The following AKR1C3 variants were observed in gnomAD, a reference collection of about 807,000 sequenced individuals.
AKR1C3 encodes 3-alpha hydroxysteroid dehydrogenase, type II.
Under a neutral mutation model 43.6 loss-of-function variants are expected in AKR1C3, and 48 were observed. The ratio of observed to expected loss-of-function variants is 1.10; its 90% CI spans 0.87 to 1.40. The LOEUF is 1.40. Ranked by LOEUF, AKR1C3 falls within the 40% of genes most tolerant of loss-of-function variation. The pLI is 0.00. For missense variants in AKR1C3, 482 were observed against 391.2 expected (o/e 1.23, Z -1.96); for synonymous variants, 162 against 139.6 (o/e 1.16, Z -1.13).
upstream of AKR1C3, among the ~76,000 whole-genome samples, chr10:5,092,126 A>G (rs1839104898): frequency 6.6e-6 from 1 of 152,070 alleles, no homozygotes; most frequent in African/African-American, 2.4e-5. Flanking sequence ...CATCCTTCAA[A>G]TTGTCTAATC....
At chr10:5,090,724 A>G (rs72774008), upstream of AKR1C3, among the ~76,000 whole-genome samples, 9,478 of 152,154 alleles carry the variant, frequency 0.062, 346 homozygotes, top group Middle Eastern at 0.085. Flanking sequence ...CAGCATTGTT[A>G]TACTGTGTTG....
chr10:5,075,874 C>CAA (rs201037479), intron 1 of AKR1C3, among the ~76,000 whole-genome samples: 2 of 127,946 alleles, frequency 1.6e-5, no homozygotes, highest in East Asian at 4.4e-4. Flanking sequence ...AACTCCATCT[C>CAA]AAAAAAAAAA....
chr10:5,058,063 C>T (rs1469242598), intron 1 of AKR1C3, among the ~76,000 whole-genome samples: 1 of 152,136 alleles, frequency 6.6e-6, no homozygotes, highest in East Asian at 1.9e-4. Context: ...TTGAAGGGGA[C>T]ATAACCAATA....
intron 7 of AKR1C3, among the ~76,000 whole-genome samples, chr10:5,104,340 C>T (rs1185498426): frequency 6.6e-6 from 1 of 152,002 alleles, no homozygotes; most frequent in Non-Finnish European, 1.5e-5. Flanking sequence ...CAAAAGGTGC[C>T]ACCAACAATT....
At chr10:5,054,419 C>T (rs1268779834) in intron 1 of AKR1C3, among the ~76,000 whole-genome samples, 1 of 152,076 alleles carries the variant, frequency 6.6e-6, no homozygotes, top group Non-Finnish European at 1.5e-5. Context: ...TTGAGGGGTA[C>T]TGATAAGGTC....
At chr10:5,084,504 G>C (rs1838917691) in intron 1 of AKR1C3, among the ~76,000 whole-genome samples, 1 of 152,036 alleles carries the variant, frequency 6.6e-6, no homozygotes, top group South Asian at 2.1e-4. Context: ...TTGAAGTCAG[G>C]TAGCATGATG....
intron 7 of AKR1C3, among the ~76,000 whole-genome samples, chr10:5,104,564 G>C (rs1010544090): frequency 3.3e-5 from 5 of 151,716 alleles, no homozygotes; most frequent in African/African-American, 1.2e-4. Flanking sequence ...GATTATTCTT[G>C]ACTGACTATT....
At chr10:5,080,158 G>A (rs782467798) in intron 1 of AKR1C3, among the ~76,000 whole-genome samples, 5 of 123,184 alleles carry the variant, frequency 4.1e-5, no homozygotes, top group Non-Finnish European at 6.7e-5. Context: ...CGGTAAGAGC[G>A]TCTGGTTAAG....
intron 1 of AKR1C3, among the ~76,000 whole-genome samples, chr10:5,062,422 G>GAA (rs1434788492): frequency 9.2e-5 from 14 of 152,238 alleles, no homozygotes; most frequent in Middle Eastern, 3.4e-3. Flanking sequence ...CCTCTAGGTT[G>GAA]AGAAACACTC....
chr10:5,060,208 A>G (rs1396339533), intron 1 of AKR1C3, among the ~76,000 whole-genome samples: 2 of 152,182 alleles, frequency 1.3e-5, no homozygotes, highest in Non-Finnish European at 1.5e-5. Flanking sequence ...TGCAAAGAGC[A>G]AAAGAACAAA....
At position 5,099,426 on chromosome 10, in the gene AKR1C3, A is replaced by G; in HGVS notation, c.547A>G (p.Lys183Glu). ...LEMILNKPGLKYKPVCNQVEC... is the reference protein window; with the variant it reads ...LEMILNKPGLEYKPVCNQVEC... ...GATGATCCTCAACAAGCCAGGACTCAAGTACAAGCCTGTCTGCAACCAGGT... is the reference window on the plus strand; with the variant it reads ...GATGATCCTCAACAAGCCAGGACTCGAGTACAAGCCTGTCTGCAACCAGGT... Residue 183 changes from lysine (K) to glutamate (E), a missense_variant, in exon 5 of 9, where the codon AAG (lysine) becomes GAG (glutamate). Transcript: ENST00000380554. 1.2e-6 allele frequency: 2 copies of G among 1,614,180 alleles called. No individual in the cohort carries two copies. The highest frequency in any genetic ancestry group is 1.7e-6 in the Non-Finnish European group (2 of 1,180,020).
chr10:5,100,098 G>C (rs1297906536), intron 5 of AKR1C3, among the ~76,000 whole-genome samples: 3 of 152,228 alleles, frequency 2.0e-5, no homozygotes, highest in Non-Finnish European at 4.4e-5. Context: ...TTTGAGACCA[G>C]CCTGACCAAC....
intron 3 of AKR1C3, chr10:5,098,157 G>A (rs1554785452): frequency 2.0e-6 from 2 of 985,902 alleles, no homozygotes; most frequent in African/African-American, 1.7e-5. Flanking sequence ...AGTTTACTGA[G>A]TTATGTAAAA....
intron 1 of AKR1C3, among the ~76,000 whole-genome samples, chr10:5,073,575 C>T (rs768281116): frequency 1.4e-4 from 21 of 152,256 alleles, no homozygotes; most frequent in South Asian, 6.2e-4. Flanking sequence ...CATGACTCAG[C>T]GAGCAGCTCC....
rs530743338 is a variant in AKR1C3, at chr10:5,096,312, G to A, written c.85-98G>A. The A allele has an allele frequency of 2.1e-6, 3 of 1,428,488 alleles. No homozygotes were observed. The East Asian group carries it at 7.0e-5, about 34-fold the overall frequency. 88.5% of individuals were successfully genotyped at this position (1,428,488 alleles called of 1,614,324 possible). A position where few individuals can be genotyped will look rare whatever the true frequency, so the allele number is the denominator to read the frequency against. ...GGACTTTTCACCCCACATACAGACA[G>A]GAGGAAAAGCTGATTCTTGTATAAA... On this transcript the variant is annotated intron_variant, in intron 1 of 8. Transcript: ENST00000380554.
intron 1 of AKR1C3, among the ~76,000 whole-genome samples, chr10:5,088,000 G>A (rs782157023): frequency 2.0e-5 from 3 of 151,992 alleles, no homozygotes; most frequent in East Asian, 1.9e-4. Flanking sequence ...TCCCATATCC[G>A]AGAGATTTTG....
chr10:5,097,252 C>T (rs374464285), intron 2 of AKR1C3, among the ~76,000 whole-genome samples, 182 bp from the exon 3 acceptor site: 23 of 151,996 alleles, frequency 1.5e-4, no homozygotes, highest in East Asian at 5.8e-4. Context: ...ATACATCCAA[C>T]GTATAATAAA....
intron 1 of AKR1C3, among the ~76,000 whole-genome samples, chr10:5,071,647 G>C (rs1838614205): frequency 6.6e-6 from 1 of 152,136 alleles, no homozygotes; most frequent in African/African-American, 2.4e-5. Flanking sequence ...AGATAACCAA[G>C]CCCTGTTAAA....
At chr10:5,089,189 T>C (rs77546591) in intron 1 of AKR1C3, among the ~76,000 whole-genome samples, 1 of 152,174 alleles carries the variant, frequency 6.6e-6, no homozygotes, top group Non-Finnish European at 1.5e-5. Flanking sequence ...TTCATTCTTA[T>C]TGACCTTGGG....
Sources: gnomAD v4.1 joint callset for allele counts (sites outside exome capture counted in the v4.1 genomes callset) on GRCh38, gnomAD v4.1.1 for gene constraint, MANE v1.5 for transcripts, NCBI Gene and HGNC (gene_info 2026-07-23, HGNC 2026-07-21) for gene names.